The following ZFAT variants were observed in gnomAD, a reference collection of about 807,000 sequenced individuals.
ZFAT encodes zinc finger protein ZFAT.
Under a neutral mutation model 117.7 loss-of-function variants are expected in ZFAT, and 64 were observed. That is an observed-to-expected ratio of 0.54 (90% CI 0.44 to 0.67). The LOEUF is 0.67. Ranked by LOEUF, ZFAT falls within the 30% of genes least tolerant of loss-of-function variation. The probability of loss-of-function intolerance (pLI) is 0.00; values close to 1 mark genes in which losing one functional copy is unlikely to be tolerated. For synonymous variants in ZFAT, 679 were observed against 615.0 expected, an observed-to-expected ratio of 1.10 and a Z score of -1.54; for missense variants, 1,433 against 1,584.5, an observed-to-expected ratio of 0.90 and a Z score of 1.62.
chr8:134,738,731 A>T, the ZFAT span, among the ~76,000 whole-genome samples: 1 of 152,204 alleles, frequency 6.6e-6, no homozygotes, highest in South Asian at 2.1e-4. Flanking sequence ...ATGAACGAGG[A>T]GGGGGAGGTA....
chr8:134,652,075 C>T (rs547686705), intron 2 of ZFAT, among the ~76,000 whole-genome samples: 263 of 152,186 alleles, frequency 1.7e-3, no homozygotes, highest in Non-Finnish European at 2.3e-3. Flanking sequence ...CCCAGCACTT[C>T]GGGAGCCTGA....
At chr8:134,492,628 A>G (rs1377538776) in intron 15 of ZFAT, among the ~76,000 whole-genome samples, 1 of 152,186 alleles carries the variant, frequency 6.6e-6, no homozygotes, top group Non-Finnish European at 1.5e-5. Context: ...CAAAAGGGGG[A>G]CTGGCAGGAC....
At chr8:134,679,916 C>T (rs934935057) in intron 1 of ZFAT, among the ~76,000 whole-genome samples, 6 of 119,568 alleles carry the variant, frequency 5.0e-5, no homozygotes, top group African/African-American at 1.9e-4. Context: ...GGGAAGGGAA[C>T]ATTACACACT....
chr8:134,642,827 C>T (rs1277691947), intron 2 of ZFAT, among the ~76,000 whole-genome samples: 3 of 152,210 alleles, frequency 2.0e-5, no homozygotes, highest in Non-Finnish European at 2.9e-5. Flanking sequence ...CAGTCAATCT[C>T]CCTGACGTTT....
the ZFAT span, among the ~76,000 whole-genome samples, chr8:134,739,465 A>C: frequency 6.6e-6 from 1 of 152,232 alleles, no homozygotes; most frequent in South Asian, 2.1e-4. Context: ...TTCATAACCT[A>C]GGGCAGGTCA....
chr8:134,782,426 C>T, the ZFAT span, among the ~76,000 whole-genome samples: 1 of 152,196 alleles, frequency 6.6e-6, no homozygotes, highest in Non-Finnish European at 1.5e-5. Context: ...GAATTCACCA[C>T]GACTTGGGCA....
intron 11 of ZFAT, among the ~76,000 whole-genome samples, chr8:134,543,059 A>G (rs1433520522): frequency 6.6e-6 from 1 of 150,898 alleles, no homozygotes; most frequent in Non-Finnish European, 1.5e-5. Flanking sequence ...GGGATCATGT[A>G]CAAATCCCCA....
intron 1 of ZFAT, among the ~76,000 whole-genome samples, chr8:134,705,384 T>A (rs1262562656): frequency 6.7e-6 from 1 of 149,670 alleles, no homozygotes; most frequent in Non-Finnish European, 1.5e-5. Flanking sequence ...TTTGTTTTTT[T>A]TTTTTTGTAG....
the ZFAT span, among the ~76,000 whole-genome samples, chr8:134,753,270 G>A: frequency 6.7e-6 from 1 of 149,544 alleles, no homozygotes; most frequent in East Asian, 1.9e-4. Context: ...TTTTGGGGGG[G>A]CAGAGGGAGG....
chr8:134,762,289 A>G, the ZFAT span, among the ~76,000 whole-genome samples: 2 of 152,110 alleles, frequency 1.3e-5, no homozygotes, highest in Admixed American at 1.3e-4. Flanking sequence ...ATTTCTTTGC[A>G]CCTCTTTAAA....
At chr8:134,594,560 T>C (rs73711217) in intron 7 of ZFAT, among the ~76,000 whole-genome samples, 281 of 152,342 alleles carry the variant, frequency 1.8e-3, no homozygotes, top group African/African-American at 6.4e-3. Flanking sequence ...TCAGACTCAA[T>C]AGATGCACCA....
In ZFAT at chr8:134,700,415, G is replaced by A. The variant is rs1390295540; in HGVS notation, c.19+12430C>T. On this transcript the variant is annotated intron_variant, in intron 1 of 15. Transcript: ENST00000377838. ...ATGGGGAGTTGACCCTGCCAATGGA[G>A]GTAGAGACTCAGGACATGGGCAGGG... is the stretch of plus-strand genomic sequence containing the variant. Among the ~76,000 whole-genome samples, 3 of 152,172 alleles carry A rather than the reference G, an allele frequency of 2.0e-5. No individual in the cohort carries two copies. In the East Asian group the frequency reaches 5.8e-4, roughly 29 times the overall value.
At chr8:134,544,295 C>T (rs2130651447) in intron 11 of ZFAT, among the ~76,000 whole-genome samples, 1 of 152,280 alleles carries the variant, frequency 6.6e-6, no homozygotes, top group East Asian at 1.9e-4. Flanking sequence ...CAGTGCAGTG[C>T]CCAGCACAGG....
the ZFAT span, among the ~76,000 whole-genome samples, chr8:134,826,953 A>C: frequency 6.6e-6 from 1 of 152,250 alleles, no homozygotes; most frequent in Non-Finnish European, 1.5e-5. Flanking sequence ...AGGAAAACAC[A>C]AACATGTAAT....
At chr8:134,564,423 T>C (rs757943031) in intron 11 of ZFAT, among the ~76,000 whole-genome samples, 3 of 152,152 alleles carry the variant, frequency 2.0e-5, no homozygotes, top group Non-Finnish European at 4.4e-5. Context: ...TGTTTAGTGC[T>C]TCTTTCTTTG....
At chr8:134,756,089 C>T in the ZFAT span, among the ~76,000 whole-genome samples, 3 of 152,306 alleles carry the variant, frequency 2.0e-5, no homozygotes, top group Middle Eastern at 3.4e-3. Flanking sequence ...TCTTTCCCTA[C>T]CAGTCCTCTT....
intron 5 of ZFAT, among the ~76,000 whole-genome samples, chr8:134,608,223 A>T (rs1384740639): frequency 1.3e-5 from 2 of 152,254 alleles, no homozygotes; most frequent in African/African-American, 4.8e-5. Context: ...ATATGTTAGT[A>T]TATTTCAAAA....
chr8:134,712,714 C>T (rs1814056646), intron 1 of ZFAT, 131 bp downstream of exon 1: 3 of 747,086 alleles, frequency 4.0e-6, no homozygotes, highest in Admixed American at 4.4e-5. Flanking sequence ...GACCCGGATC[C>T]CTCCGCGGCC....
intron 11 of ZFAT, among the ~76,000 whole-genome samples, chr8:134,550,329 A>C (rs1429877771): frequency 6.6e-6 from 1 of 151,422 alleles, no homozygotes; most frequent in Non-Finnish European, 1.5e-5. Flanking sequence ...AAAAAAAAAA[A>C]AAACAGCACA....
Sources: allele counts gnomAD v4.1 joint callset (sites outside exome capture counted in the v4.1 genomes callset), GRCh38; gene constraint gnomAD v4.1.1; transcripts MANE v1.5; gene names NCBI Gene and HGNC (gene_info 2026-07-23, HGNC 2026-07-21).